The following PLXNB1 variants were observed in gnomAD, a reference collection of about 807,000 sequenced individuals.
PLXNB1 encodes the protein plexin-B1.
A neutral mutation model predicts 209.4 loss-of-function variants in PLXNB1; 106 were observed. The ratio of observed to expected loss-of-function variants is 0.51; its 90% CI spans 0.43 to 0.59. The LOEUF (loss-of-function observed/expected upper bound fraction) is 0.59. Ranked by LOEUF, PLXNB1 falls within the 20% of genes least tolerant of loss-of-function variation. The probability of loss-of-function intolerance (pLI) is 0.00; values close to 1 mark genes in which losing one functional copy is unlikely to be tolerated. For missense variants in PLXNB1, 2,357 were observed against 2,853.2 expected (o/e 0.83, Z 3.96); for synonymous variants, 1,167 against 1,183.2 (o/e 0.99, Z 0.28).
chr3:48,421,074 G>A, intron 8 of PLXNB1, 118 bp from the exon 9 acceptor site: 5 of 1,266,602 alleles, frequency 3.9e-6, no homozygotes, highest in South Asian at 1.3e-5. Flanking sequence ...TACAGTCCAA[G>A]GGCACAGAAT....
Position 48,415,113 on chromosome 3 carries a change from G to T in PLXNB1, c.3966+63C>A, listed in dbSNP as rs961906976. 6.2e-7 allele frequency: 1 copy of T among 1,606,518 alleles called. No homozygotes were observed. The highest frequency in any genetic ancestry group is 8.5e-7 in the Non-Finnish European group (1 of 1,174,586). ...AAGAGCCTCCTCTGGCACCTGCTCT[G>T]GCTGTCCCCAGGGTGTGGTATGGGG... On this transcript the variant is annotated intron_variant, in intron 20 of 37. Coordinates refer to ENST00000296440, the MANE Select transcript of PLXNB1 (RefSeq NM_001130082.3). This position sits in a 1 kb window ranked among gnomAD's most constrained non-coding sequence, Gnocchi z 5.0.
Position 48,416,660 on chromosome 3 carries a change from A to G in PLXNB1, c.3375-209T>C, listed in dbSNP as rs2038122945. On this transcript the variant is annotated intron_variant, in intron 16 of 37. Transcript: ENST00000296440. The surrounding 1 kb of genome is among the most constrained non-coding windows in gnomAD (Gnocchi z 4.1). ...CTGAGAATTAATATTTGTGGCTTCA[A>G]TCATTTAAGTTCAACCCCAGGGGCC... 1 of 403,070 alleles carries G rather than the reference A, an allele frequency of 2.5e-6. No homozygotes were observed. Among genetic ancestry groups the G allele is most frequent in the Non-Finnish European group, 4.4e-6 (1 of 228,972 alleles). 25.0% of individuals were successfully genotyped at this position (403,070 alleles called of 1,614,324 possible).
intron 21 of PLXNB1, among the ~76,000 whole-genome samples, chr3:48,414,279 C>T (rs925935659): frequency 7.2e-5 from 11 of 152,158 alleles, no homozygotes; most frequent in African/African-American, 2.2e-4. Context: ...TTCTCCAGAA[C>T]GAAAAATCTG....
At position 48,404,457 on chromosome 3, in the gene PLXNB1, A is replaced by G; in HGVS notation, c.*29T>C. 1 of 1,493,026 alleles carries G rather than the reference A, an allele frequency of 6.7e-7. No individual in the cohort carries two copies. The highest frequency in any genetic ancestry group is 9.3e-7 in the Non-Finnish European group (1 of 1,073,518). 92.5% of individuals were successfully genotyped at this position (1,493,026 alleles called of 1,614,324 possible). ...TCCAGGGCTGCCCAGGCCAGGCTGA[A>G]GCAACAGCAGGCCGTGGCTCCTGGG... is the stretch of plus-strand genomic sequence containing the variant. On this transcript the variant is annotated 3_prime_UTR_variant, in exon 38 of 38. Coordinates refer to ENST00000296440, the MANE Select transcript of PLXNB1 (RefSeq NM_001130082.3).
Position 48,410,974 on chromosome 3 carries a change from C to A in PLXNB1, c.5310G>T (p.Lys1770Asn). 1 of 1,613,882 alleles carries A rather than the reference C, an allele frequency of 6.2e-7. No homozygotes were observed. ...GGGAGATGGTGTCACAGTCTAGGAC[C>A]TTCACGGGCACGCCCTGGGCCTCTC... ...GAGEAQGVPV[K>N]VLDCDTISQA... The change falls in exon 29 of 38, where the codon AAG (lysine) becomes AAT (asparagine). Residue 1770 changes from lysine (K) to asparagine (N), a missense_variant. Coordinates refer to ENST00000296440, the MANE Select transcript of PLXNB1 (RefSeq NM_001130082.3). This position sits in a 1 kb window ranked among gnomAD's most constrained non-coding sequence, Gnocchi z 6.4.
rs1213687120 is a variant in PLXNB1, at chr3:48,413,420, C to T, written c.4535+250G>A. The T allele has an allele frequency of 1.7e-6, 1 of 602,296 alleles. No homozygotes were observed. The highest frequency in any genetic ancestry group is 3.0e-5 in the Admixed American group (1 of 33,150). 37.3% of individuals were successfully genotyped at this position (602,296 alleles called of 1,614,324 possible). On this transcript the variant is annotated intron_variant, in intron 23 of 37. Transcript: ENST00000296440. This position sits in a 1 kb window ranked among gnomAD's most constrained non-coding sequence, Gnocchi z 5.4. ...CCACAACCAGGCCAAATCCATCCCA[C>T]AACCTATTTTTATAAAGATTTGTTA...
Position 48,416,775 on chromosome 3 carries a change from G to A in PLXNB1, c.3375-324C>T. The A allele has an allele frequency of 4.3e-6, 1 of 232,818 alleles. No homozygotes were observed. Among genetic ancestry groups the A allele is most frequent in the Non-Finnish European group, 8.2e-6 (1 of 121,226 alleles). 14.4% of individuals were successfully genotyped at this position (232,818 alleles called of 1,614,324 possible). On this transcript the variant is annotated intron_variant, in intron 16 of 37. Coordinates refer to ENST00000296440, the MANE Select transcript of PLXNB1 (RefSeq NM_001130082.3). The surrounding 1 kb of genome is among the most constrained non-coding windows in gnomAD (Gnocchi z 4.1). ...GGCGAGCTGCTGAGCAAGTGAGTGG[G>A]CACAGCTAGCCGCCCATGTCCTCCG...
chr3:48,412,413 G>T, intron 26 of PLXNB1, 29 bp downstream of exon 26: 1 of 1,612,066 alleles, frequency 6.2e-7, no homozygotes, highest in Non-Finnish European at 8.5e-7. Flanking sequence ...GCTGTCCAGG[G>T]CCCACCCAGC....
chr3:48,408,642 G>A (rs1285806123), intron 34 of PLXNB1, among the ~76,000 whole-genome samples: 1 of 152,038 alleles, frequency 6.6e-6, no homozygotes, highest in Non-Finnish European at 1.5e-5. Flanking sequence ...CTACTGGCAG[G>A]CAGACACCTC....
In PLXNB1 at chr3:48,429,554, C is replaced by T. The variant is rs1011881050; in HGVS notation, c.-60+454G>A. On this transcript the variant is annotated intron_variant, in intron 1 of 37. Transcript: ENST00000296440. This position sits in a 1 kb window ranked among gnomAD's most constrained non-coding sequence, Gnocchi z 6.4. ...CGGAAGCAGCCCGGAGAGCCGGGCGCGCGGCCCCGAACCGCCCGGGACCCC... is the reference window on the plus strand; with the variant it reads ...CGGAAGCAGCCCGGAGAGCCGGGCGTGCGGCCCCGAACCGCCCGGGACCCC... The T allele has an allele frequency of 6.6e-6, 1 of 151,474 alleles. No homozygotes were observed. Among genetic ancestry groups the T allele is most frequent in the Non-Finnish European group, 1.5e-5 (1 of 67,834 alleles). 9.4% of individuals were successfully genotyped at this position (151,474 alleles called of 1,614,324 possible).
rs1380133484 is a variant in PLXNB1, at chr3:48,410,988, C to A, written c.5296G>T (p.Gly1766Cys). ...CAGTCTAGGACCTTCACGGGCACGC[C>A]CTGGGCCTCTCCTGCCCCAGGCCCC... is the stretch of plus-strand genomic sequence containing the variant. ...AVGPGAGEAQ[G>C]VPVKVLDCDT... The change falls in exon 29 of 38, where the codon GGC (glycine) becomes TGC (cysteine). Residue 1766 changes from glycine (G) to cysteine (C), a missense_variant. By Grantham distance (159) the Gly-to-Cys change is radical (BLOSUM62 -3). Transcript: ENST00000296440. The surrounding 1 kb of genome is among the most constrained non-coding windows in gnomAD (Gnocchi z 6.4). 6.2e-7 allele frequency: 1 copy of A among 1,613,838 alleles called. No individual in the cohort carries two copies. Among genetic ancestry groups the A allele is most frequent in the South Asian group, 1.1e-5 (1 of 91,068 alleles).
rs774258229 is a variant in PLXNB1 at position 48,418,300 on chromosome 3, T to C, written c.3113A>G (p.Gln1038Arg). The C allele has an allele frequency of 3.7e-6, 6 of 1,613,762 alleles. No homozygotes were observed. The South Asian group carries it at 5.5e-5, about 15-fold the overall frequency. The change falls in exon 15 of 38, where the codon CAG becomes CGG. Residue 1038 changes from glutamine (Q) to arginine (R), a missense_variant. Gln to Arg is a conservative substitution (Grantham distance 43). Around this residue, in one of 7 missense-constraint regions of PLXNB1, gnomAD observed 743 missense variants for 896.2 expected, o/e 0.83. Transcript: ENST00000296440. The surrounding 1 kb of genome is among the most constrained non-coding windows in gnomAD (Gnocchi z 6.6). Reference protein sequence around the residue: ...DCSRCQTAMPQYGCVWCEGER... With the variant: ...DCSRCQTAMPRYGCVWCEGER... ...CCCCTCACACCACACACAGCCATAC[T>C]GGGGCATGGCAGTTTGGCAGCGGCT...
At position 48,405,477 on chromosome 3, in the gene PLXNB1, C is replaced by G. The variant is rs559134958; in HGVS notation, c.6303+247G>C. On this transcript the variant is annotated intron_variant, in intron 37 of 37. Coordinates refer to ENST00000296440, the MANE Select transcript of PLXNB1 (RefSeq NM_001130082.3). The surrounding 1 kb of genome is among the most constrained non-coding windows in gnomAD (Gnocchi z 5.0). ...TGGTAGACCCCTTGGCCCCCACAACCACCAGCACTGTGCCTCGCCGTCCTG... is the reference window on the plus strand; with the variant it reads ...TGGTAGACCCCTTGGCCCCCACAACGACCAGCACTGTGCCTCGCCGTCCTG... Among the ~76,000 whole-genome samples the G allele has an allele frequency of 1.1e-4, 16 of 152,334 alleles. No homozygotes were observed. The highest frequency in any genetic ancestry group is 3.1e-4 in the African/African-American group (13 of 41,574).
chr3:48,419,806 G>A lies in PLXNB1; in HGVS notation c.2480C>T (p.Thr827Ile), dbSNP rs1339232234. 1.3e-6 allele frequency: 2 copies of A among 1,591,984 alleles called. No homozygotes were observed. The highest frequency in any genetic ancestry group is 1.3e-5 in the African/African-American group (1 of 74,594). The change falls in exon 11 of 38, where the codon ACT (threonine) becomes ATT (isoleucine). Residue 827 changes from threonine (T) to isoleucine (I), a missense_variant. By Grantham distance (89) the Thr-to-Ile change is moderately conservative. Around this residue, in one of 7 missense-constraint regions of PLXNB1, gnomAD observed 410 missense variants for 401.0 expected, o/e 1.02. Coordinates refer to ENST00000296440, the MANE Select transcript of PLXNB1 (RefSeq NM_001130082.3). The surrounding 1 kb of genome is among the most constrained non-coding windows in gnomAD (Gnocchi z 5.7). ...DLPPATVPAT[T>I]FPGAMGSVKP... ...CACGGAGCCCATGGCCCCTGGGAAA[G>A]TGGTGGCAGGAACAGTGGCAGGGGG...
chr3:48,424,036 G>A lies in PLXNB1; in HGVS notation c.576C>T (p.Pro192=), dbSNP rs753213469. The A allele has an allele frequency of 1.1e-5, 18 of 1,603,036 alleles. No individual in the cohort carries two copies. The highest frequency in any genetic ancestry group is 1.7e-4 in the Middle Eastern group (1 of 5,940). Reference sequence around the variant, plus strand: ...CATAGGAGAAGGCAGCTTGGGGGTCGGGCGGCCACAGGGCCCGGGTTGTGA... The same window carrying A: ...CATAGGAGAAGGCAGCTTGGGGGTCAGGCGGCCACAGGGCCCGGGTTGTGA... ...PPITTRALWP[P]DPQAAFSYEE... is the part of the protein sequence containing the mutation. Residue 192 remains proline (P), a synonymous_variant, in exon 3 of 38, where the codon CCC becomes CCT. Transcript: ENST00000296440.
At position 48,411,629 on chromosome 3, in the gene PLXNB1, T is replaced by C. The variant is rs371516494; in HGVS notation, c.5247+234A>G. Among the ~76,000 whole-genome samples, 8 of 152,086 alleles carry C rather than the reference T, an allele frequency of 5.3e-5. No individual in the cohort carries two copies. In the East Asian group the frequency reaches 1.4e-3, roughly 26 times the overall value. On this transcript the variant is annotated intron_variant, in intron 28 of 37. Coordinates refer to ENST00000296440, the MANE Select transcript of PLXNB1 (RefSeq NM_001130082.3). The surrounding 1 kb of genome is among the most constrained non-coding windows in gnomAD (Gnocchi z 4.0). ...TCCCAAACCCTGGTTGTGGCTACCC[T>C]AGTTCCATCCCTAGCCTGGGGCACA...
At chr3:48,404,700 GA>G (rs2037207664) in intron 37 of PLXNB1, 110 bp from the exon 38 acceptor site, 2 of 673,958 alleles carry the variant, frequency 3.0e-6, no homozygotes, top group Admixed American at 2.9e-5. Context: ...AGGAGGCCAA[GA>G]AACCCAGCCG....
rs764116531 is a variant in PLXNB1, at chr3:48,407,007, C to T, written c.6152+20G>A. 8 of 1,613,334 alleles carry T rather than the reference C, an allele frequency of 5.0e-6. No individual in the cohort carries two copies. Among genetic ancestry groups the T allele is most frequent in the Non-Finnish European group, 4.2e-6 (5 of 1,179,396 alleles). The stretch of plus-strand genomic sequence containing the variant: ...AGCTGCACACGCCCTCCAACCTCTA[C>T]CCACCGTGCCCTCCAGTACCTTTCC... On this transcript the variant is annotated intron_variant, in intron 35 of 37. Transcript: ENST00000296440.
At position 48,419,884 on chromosome 3, in the gene PLXNB1, G is replaced by A; in HGVS notation, c.2402C>T (p.Pro801Leu). 6.4e-7 allele frequency: 1 copy of A among 1,565,320 alleles called. No individual in the cohort carries two copies. Among genetic ancestry groups the A allele is most frequent in the Non-Finnish European group, 8.7e-7 (1 of 1,153,492 alleles). The part of the protein sequence containing the change: ...PLSPSEVAAV[P>L]PADPGPEALH... ...AGCCTCGGGGCCAGGGTCTGCAGGG[G>A]GCACTGCTGCTACCTCTGAGGGTGA... The change falls in exon 11 of 38, where the codon CCC becomes CTC. Residue 801 changes from proline (P) to leucine (L), a missense_variant. Physicochemically the swap from Pro to Leu is moderately conservative, Grantham distance 98. Coordinates refer to ENST00000296440, the MANE Select transcript of PLXNB1 (RefSeq NM_001130082.3). The surrounding 1 kb of genome is among the most constrained non-coding windows in gnomAD (Gnocchi z 5.7).
Sources: allele counts gnomAD v4.1 joint callset (sites outside exome capture counted in the v4.1 genomes callset), GRCh38; gene constraint gnomAD v4.1.1; regional missense constraint gnomAD v4.1.1; non-coding constraint Gnocchi (gnomAD v3.1); transcripts MANE v1.5; gene names NCBI Gene and HGNC (gene_info 2026-07-23, HGNC 2026-07-21).